The following DPF2 variants were observed in gnomAD, a reference collection of about 807,000 sequenced individuals.
DPF2 encodes zinc finger protein ubi-d4.
A neutral mutation model predicts 59.6 loss-of-function variants in DPF2; 10 were observed. That is an observed-to-expected ratio of 0.17 (90% CI 0.10 to 0.28). The LOEUF (loss-of-function observed/expected upper bound fraction) is 0.28. DPF2 is among the 10% of genes least tolerant of loss of function. The pLI, the probability that DPF2 is intolerant of heterozygous loss-of-function variation, is 1.00. For synonymous variants in DPF2, 189 were observed against 190.6 expected (o/e 0.99, Z 0.07); for missense variants, 315 against 509.4 (o/e 0.62, Z 3.67).
chr11:65,338,189 C>T lies in DPF2; in HGVS notation c.33-2196C>T, dbSNP rs61660366. 9.2e-5 allele frequency among the ~76,000 whole-genome samples: 14 copies of T among 152,240 alleles called. No homozygotes were observed. In the East Asian group the frequency reaches 2.5e-3, roughly 27 times the overall value. On this transcript the variant is annotated intron_variant, in intron 1 of 10. Coordinates refer to ENST00000528416, the MANE Select transcript of DPF2 (RefSeq NM_006268.5). ...CTCTAACTCTTGGTCTCAAGAGATC[C>T]ACCAGCCTTGGCCTCCCAAAGTGCT...
chr11:65,342,729 T>A (rs971675531), intron 4 of DPF2, among the ~76,000 whole-genome samples: 1 of 152,062 alleles, frequency 6.6e-6, no homozygotes, highest in African/African-American at 2.4e-5. Flanking sequence ...AAACTTCCCA[T>A]GGGTCGGGCA....
At chr11:65,344,241 A>G (rs1047791654) in intron 6 of DPF2, 172 bp downstream of exon 6, 2 of 680,582 alleles carry the variant, frequency 2.9e-6, no homozygotes, top group East Asian at 2.7e-5. Flanking sequence ...GGTCCCTGCT[A>G]TATGACGGGT....
chr11:65,337,543 A>AGAGAGAGAGAGAGG (rs1449977686), intron 1 of DPF2, among the ~76,000 whole-genome samples: 10 of 137,514 alleles, frequency 7.3e-5, no homozygotes, highest in African/African-American at 2.7e-4. Context: ...AGAGAGAGAG[A>AGAGAGAGAGAGAGG]GAGAACAATG....
At chr11:65,336,475 CT>C (rs1329558617) in intron 1 of DPF2, among the ~76,000 whole-genome samples, 1 of 151,788 alleles carries the variant, frequency 6.6e-6, no homozygotes, top group African/African-American at 2.4e-5. Flanking sequence ...CTGAGTGACA[CT>C]TTTAAGACTC....
In DPF2 at chr11:65,335,540, T is replaced by C. The variant is rs1417161466; in HGVS notation, c.32+1622T>C. On this transcript the variant is annotated intron_variant, in intron 1 of 10. Transcript: ENST00000528416. ...ACAGAGCGTGACATCTTGTTTCTCT[T>C]TGAAAAACTGTAGAGATTGTGAGCA... Among the ~76,000 whole-genome samples, 4 of 152,178 alleles carry C rather than the reference T, an allele frequency of 2.6e-5. No homozygotes were observed. The East Asian group carries it at 5.8e-4, about 22-fold the overall frequency.
At position 65,353,783 on chromosome 11, in the gene DPF2, C is replaced by G. The variant is rs904850639; in HGVS notation, c.*2024C>G. Among the ~76,000 whole-genome samples the G allele has an allele frequency of 2.0e-5, 3 of 152,154 alleles. No homozygotes were observed. The highest frequency in any genetic ancestry group is 7.2e-5 in the African/African-American group (3 of 41,440). On this transcript the variant is annotated 3_prime_UTR_variant, in exon 11 of 11. Coordinates refer to ENST00000528416, the MANE Select transcript of DPF2 (RefSeq NM_006268.5). ...CTAGGCCGGCCTGCACTGTTATGTT[C>G]AATAAATAAGCAGGGTGCTCTGGGC...
At chr11:65,341,284 C>A (rs975839793) in intron 3 of DPF2, 115 bp from the exon 4 acceptor site, 1 of 1,454,066 alleles carries the variant, frequency 6.9e-7, no homozygotes, top group Non-Finnish European at 9.4e-7. Context: ...AATTCCTGGG[C>A]GTGCAGAGAA....
chr11:65,342,088 C>T (rs2137695149), intron 4 of DPF2: 1 of 152,302 alleles, frequency 6.6e-6, no homozygotes, highest in African/African-American at 2.4e-5. Context: ...CACTGCACTC[C>T]AGCCTGGGCA....
intron 1 of DPF2, among the ~76,000 whole-genome samples, chr11:65,339,726 G>A (rs1348817072): frequency 8.5e-5 from 13 of 152,174 alleles, no homozygotes; most frequent in Admixed American, 7.9e-4. Flanking sequence ...TTTCCATTTT[G>A]TTACATAAAT....
At chr11:65,344,856 G>A in intron 6 of DPF2, 5 of 547,696 alleles carry the variant, frequency 9.1e-6, no homozygotes, top group Non-Finnish European at 1.6e-5. Flanking sequence ...AGTGCATGGG[G>A]TGGCTTCAGA....
rs1347830314 is a variant in DPF2, at chr11:65,341,055, T to G, written c.283T>G (p.Phe95Val). ...AHPPEDPRLS[F>V]PSIKPDTDQT... ...TCCCCCTGAGGATCCACGACTTTCC[T>G]TCCCATCTATTAAGCCAGGTAAGGC... Residue 95 changes from phenylalanine (F) to valine (V), a missense_variant, in exon 3 of 11, where the codon TTC becomes GTC. Around this residue, in one of 4 missense-constraint regions of DPF2, gnomAD observed 228 missense variants for 275.3 expected, o/e 0.83. Transcript: ENST00000528416. 7 of 1,614,096 alleles carry G rather than the reference T, an allele frequency of 4.3e-6. No individual in the cohort carries two copies. In the East Asian group the frequency reaches 1.6e-4, roughly 36 times the overall value.
chr11:65,343,442 A>G, intron 4 of DPF2: 2 of 390,662 alleles, frequency 5.1e-6, no homozygotes, highest in South Asian at 3.8e-5. Context: ...AGGAGAGGGC[A>G]TGGCTGCTTG....
At position 65,345,755 on chromosome 11, in the gene DPF2, G is replaced by C; in HGVS notation, c.727G>C (p.Asp243His). ...TGAGGAGGAGGGCGAGGACAAGGAA[G>C]ACTCTCAACCACCCACTCCTGTTTC... is the stretch of plus-strand genomic sequence containing the variant. The part of the protein sequence containing the change: ...LAEEEGEDKE[D>H]SQPPTPVSQR... The change falls in exon 7 of 11, where the codon GAC becomes CAC. Residue 243 changes from aspartate (D) to histidine (H), a missense_variant. By Grantham distance (81) the Asp-to-His change is moderately conservative. Coordinates refer to ENST00000528416, the MANE Select transcript of DPF2 (RefSeq NM_006268.5). 6.2e-7 allele frequency: 1 copy of C among 1,614,118 alleles called. No homozygotes were observed. Among genetic ancestry groups the C allele is most frequent in the Non-Finnish European group, 8.5e-7 (1 of 1,180,040 alleles).
At chr11:65,345,637 CCTTT>C in intron 6 of DPF2, 25 bp from the exon 7 acceptor site, 8 of 1,613,302 alleles carry the variant, frequency 5.0e-6, no homozygotes, top group Non-Finnish European at 6.8e-6. Context: ...TATCCTAACA[CCTTT>C]CTCTGCAATC....
At position 65,351,804 on chromosome 11, in the gene DPF2, T is replaced by G. The variant is rs570504731; in HGVS notation, c.*45T>G. The G allele has an allele frequency of 6.4e-7, 1 of 1,572,526 alleles. No homozygotes were observed. Among genetic ancestry groups the G allele is most frequent in the Admixed American group, 1.7e-5 (1 of 59,944 alleles). On this transcript the variant is annotated 3_prime_UTR_variant, in exon 11 of 11. Transcript: ENST00000528416. ...CCCGACATATCTAAGGCTGTTTCTC[T>G]CCTCCACTTCATATTTCATACCCAT...
intron 9 of DPF2, chr11:65,346,994 A>G (rs1854551126): frequency 6.6e-6 from 1 of 152,008 alleles, no homozygotes; most frequent in Admixed American, 6.6e-5. Flanking sequence ...GGGAAGTGAC[A>G]TGGTTATTTA....
At chr11:65,346,207 C>T in intron 8 of DPF2, 40 bp from the exon 9 acceptor site, 2 of 1,606,448 alleles carry the variant, frequency 1.2e-6, no homozygotes, top group African/African-American at 1.3e-5. Flanking sequence ...CTTCCCCCCG[C>T]ATTTCCGACT....
chr11:65,339,964 G>A (rs1418168305), intron 1 of DPF2, among the ~76,000 whole-genome samples: 1 of 152,196 alleles, frequency 6.6e-6, no homozygotes, highest in Non-Finnish European at 1.5e-5. Context: ...GGAGCATGTA[G>A]TTTATTTGGG....
chr11:65,333,938 T>C lies in DPF2; in HGVS notation c.32+20T>C. ...GAAGCTGTGAGTGGTCGTTTCTTTC[T>C]CTCCTAGGGCGGCAGGTTTTGTAAA... On this transcript the variant is annotated intron_variant, in intron 1 of 10. Transcript: ENST00000528416. 1 of 1,613,132 alleles carries C rather than the reference T, an allele frequency of 6.2e-7. No homozygotes were observed. Among genetic ancestry groups the C allele is most frequent in the Non-Finnish European group, 8.5e-7 (1 of 1,179,504 alleles).
Sources: gnomAD v4.1 joint callset for allele counts (sites outside exome capture counted in the v4.1 genomes callset) on GRCh38, gnomAD v4.1.1 for gene constraint, gnomAD v4.1.1 regional missense constraint, MANE v1.5 for transcripts, NCBI Gene and HGNC (gene_info 2026-07-23, HGNC 2026-07-21) for gene names.